Variants in COL9A1 observed in about 807,000 individuals in gnomAD.
COL9A1 encodes the protein collagen alpha-1(IX) chain.
In COL9A1, 104 loss-of-function variants were observed where a neutral mutation model predicts 142.6. That is an observed-to-expected ratio of 0.73 (90% CI 0.62 to 0.86). The LOEUF (loss-of-function observed/expected upper bound fraction) is 0.86. COL9A1 is among the 40% of genes least tolerant of loss of function. COL9A1 has a pLI of 0.00. For synonymous variants in COL9A1, 466 were observed against 396.0 expected (o/e 1.18, Z -2.10); for missense variants, 1,210 against 1,176.6 (o/e 1.03, Z -0.42).
chr6:70,218,585 A>G (rs1349692270), intron 37 of COL9A1, among the ~76,000 whole-genome samples: 2 of 152,206 alleles, frequency 1.3e-5, no homozygotes, highest in African/African-American at 4.8e-5. Flanking sequence ...TTTCAGCCAA[A>G]AAGCCGGAAG....
intron 20 of COL9A1, chr6:70,258,721 C>T (rs1295099802): frequency 6.6e-6 from 1 of 152,154 alleles, no homozygotes; most frequent in Non-Finnish European, 1.5e-5. Flanking sequence ...ACTAGGTAAC[C>T]ACTCCATGGG....
chr6:70,259,399 T>C (rs574950723), intron 20 of COL9A1, among the ~76,000 whole-genome samples: 4 of 152,272 alleles, frequency 2.6e-5, no homozygotes, highest in African/African-American at 9.6e-5. Flanking sequence ...CTGGAGCCTA[T>C]AAATTAACTT....
chr6:70,295,196 T>C (rs756326215), intron 4 of COL9A1, among the ~76,000 whole-genome samples: 1 of 151,892 alleles, frequency 6.6e-6, no homozygotes, highest in Non-Finnish European at 1.5e-5. Flanking sequence ...CAAATTATGA[T>C]GTTAAAGTAG....
rs1445888029 is a variant in COL9A1 at position 70,234,562 on chromosome 6, T to C, written c.2291A>G (p.Gln764Arg). The C allele has an allele frequency of 6.2e-7, 1 of 1,614,214 alleles. No homozygotes were observed. Among genetic ancestry groups the C allele is most frequent in the South Asian group, 1.1e-5 (1 of 91,092 alleles). ...ACCTTGTATGACTCTCATGCAAACC[T>C]GCTTAATGTGCTGATCTGTCGGTGC... ...GRAPTDQHIKQVCMRVIQEHF... is the reference protein window; with the variant it reads ...GRAPTDQHIKRVCMRVIQEHF... The change falls in exon 35 of 38, where the codon CAG becomes CGG. Residue 764 changes from glutamine (Q) to arginine (R), a missense_variant. Coordinates refer to ENST00000357250, the MANE Select transcript of COL9A1 (RefSeq NM_001851.6).
At chr6:70,241,939 C>T in intron 30 of COL9A1, 25 bp downstream of exon 30, 2 of 1,566,628 alleles carry the variant, frequency 1.3e-6, no homozygotes, top group South Asian at 1.2e-5. Flanking sequence ...AAATAAAGAA[C>T]CTTCTGGAGT....
intron 5 of COL9A1, among the ~76,000 whole-genome samples, chr6:70,284,172 G>A (rs1324658982): frequency 6.6e-6 from 1 of 152,092 alleles, no homozygotes; most frequent in Non-Finnish European, 1.5e-5. Flanking sequence ...GAACAGAAAC[G>A]GTCCAAGTCA....
Position 70,216,222 on chromosome 6 carries a change from G to A in COL9A1, c.*675C>T, listed in dbSNP as rs963229450. 2 of 152,618 alleles carry A rather than the reference G, an allele frequency of 1.3e-5. No homozygotes were observed. The highest frequency in any genetic ancestry group is 4.8e-5 in the African/African-American group (2 of 41,442). 9.5% of individuals were successfully genotyped at this position (152,618 alleles called of 1,614,324 possible). ...TCATCAATAAAATTTATGAATGCCAGAGTATTAAAATTATTTCTTTGCTTT... is the reference window on the plus strand; with the variant it reads ...TCATCAATAAAATTTATGAATGCCAAAGTATTAAAATTATTTCTTTGCTTT... On this transcript the variant is annotated 3_prime_UTR_variant, in exon 38 of 38. Coordinates refer to ENST00000357250, the MANE Select transcript of COL9A1 (RefSeq NM_001851.6).
At chr6:70,299,174 G>T (rs952050062) in intron 4 of COL9A1, among the ~76,000 whole-genome samples, 3 of 151,720 alleles carry the variant, frequency 2.0e-5, no homozygotes, top group African/African-American at 7.3e-5. Flanking sequence ...GCTGTAATCT[G>T]GTACTATTAT....
At chr6:70,261,322 G>T (rs192253358) in intron 19 of COL9A1, among the ~76,000 whole-genome samples, 1 of 152,134 alleles carries the variant, frequency 6.6e-6, no homozygotes, top group Non-Finnish European at 1.5e-5. Flanking sequence ...GAGGGGCGGG[G>T]TGTGATTTCT....
Position 70,282,508 on chromosome 6 carries a change from G to A in COL9A1, c.801+390C>T, listed in dbSNP as rs186678367. Among the ~76,000 whole-genome samples, 30 of 151,950 alleles carry A rather than the reference G, an allele frequency of 2.0e-4. No individual in the cohort carries two copies. In the East Asian group the frequency reaches 5.8e-3, roughly 30 times the overall value. ...ACGGCGGGCTGGAGGAGCGGGAGAG[G>A]GAGCGTGCCTGGATTCCCGCCTTTT... On this transcript the variant is annotated intron_variant, in intron 7 of 37. Transcript: ENST00000357250.
intron 9 of COL9A1, 45 bp from the exon 10 acceptor site, chr6:70,280,919 C>T: frequency 6.2e-7 from 1 of 1,613,156 alleles, no homozygotes; most frequent in Non-Finnish European, 8.5e-7. Flanking sequence ...GAAAAAGGTG[C>T]AAAGTTGAGA....
chr6:70,217,821 T>C (rs1159259868), intron 37 of COL9A1, among the ~76,000 whole-genome samples: 1 of 152,218 alleles, frequency 6.6e-6, no homozygotes, highest in African/African-American at 2.4e-5. Context: ...TTTCTTCATC[T>C]ACAAGATGGG....
intron 36 of COL9A1, among the ~76,000 whole-genome samples, chr6:70,226,491 G>C (rs1465142847): frequency 6.6e-6 from 1 of 151,936 alleles, no homozygotes; most frequent in African/African-American, 2.4e-5. Context: ...ACTCTAGAAA[G>C]TTAACTCAAA....
chr6:70,256,493 C>T (rs1020086852), intron 21 of COL9A1, among the ~76,000 whole-genome samples: 3 of 151,904 alleles, frequency 2.0e-5, no homozygotes, highest in Non-Finnish European at 4.4e-5. Flanking sequence ...AGACTCAAGG[C>T]GTCCTAATAA....
chr6:70,256,852 T>A (rs188948433), intron 20 of COL9A1, 31 bp from the exon 21 acceptor site: 9 of 1,605,776 alleles, frequency 5.6e-6, no homozygotes, highest in Non-Finnish European at 6.8e-6. Context: ...GGAAAAAAAC[T>A]GAGATCAGTC....
intron 18 of COL9A1, 71 bp downstream of exon 18, chr6:70,266,646 T>C (rs1258866407): frequency 1.3e-5 from 15 of 1,199,776 alleles, no homozygotes; most frequent in Non-Finnish European, 1.9e-5. Flanking sequence ...CTATAATTCC[T>C]AATTTCTTAT....
intron 10 of COL9A1, among the ~76,000 whole-genome samples, chr6:70,278,662 G>T (rs1772920333): frequency 6.6e-6 from 1 of 152,062 alleles, no homozygotes; most frequent in Admixed American, 6.5e-5. Context: ...TGAGGTCAAA[G>T]TTCAATAATT....
chr6:70,266,866 G>T, intron 17 of COL9A1, 96 bp from the exon 18 acceptor site: 1 of 971,614 alleles, frequency 1.0e-6, no homozygotes, highest in Non-Finnish European at 1.7e-6. Flanking sequence ...CAGTGCCAAT[G>T]TATTACTAAG....
intron 7 of COL9A1, 36 bp downstream of exon 7, chr6:70,282,862 C>T: frequency 1.2e-6 from 2 of 1,614,100 alleles, no homozygotes; most frequent in South Asian, 2.2e-5. Flanking sequence ...CTCGTGTGCG[C>T]TTGAAAAATG....
Sources: allele counts gnomAD v4.1 joint callset (sites outside exome capture counted in the v4.1 genomes callset), GRCh38; gene constraint gnomAD v4.1.1; transcripts MANE v1.5; gene names NCBI Gene and HGNC (gene_info 2026-07-23, HGNC 2026-07-21).